The following PTPRM variants were observed in gnomAD, a reference collection of about 807,000 sequenced individuals.
PTPRM encodes the protein receptor-type tyrosine-protein phosphatase mu.
Under a neutral mutation model 186.7 loss-of-function variants are expected in PTPRM, and 47 were observed. The ratio of observed to expected loss-of-function variants is 0.25; its 90% confidence interval spans 0.20 to 0.32. The LOEUF is 0.32. Among genes scored for constraint, PTPRM ranks in the 10% least tolerant of loss-of-function variants. The probability of loss-of-function intolerance (pLI) is 1.00; values close to 1 mark genes in which losing one functional copy is unlikely to be tolerated. For missense variants in PTPRM, 1,494 were observed against 1,865.0 expected, an observed-to-expected ratio of 0.80 and a Z score of 3.66; for synonymous variants, 668 against 674.9, an observed-to-expected ratio of 0.99 and a Z score of 0.16.
intron 2 of PTPRM, among the ~76,000 whole-genome samples, chr18:7,781,043 C>T (rs938886344): frequency 2.0e-5 from 3 of 152,092 alleles, no homozygotes; most frequent in African/African-American, 4.8e-5. Flanking sequence ...GCCTCTAACC[C>T]GGCCCAGTGC....
At chr18:8,215,247 G>A (rs937986997) in intron 14 of PTPRM, among the ~76,000 whole-genome samples, 9 of 151,864 alleles carry the variant, frequency 5.9e-5, no homozygotes, top group Admixed American at 4.6e-4. Flanking sequence ...TAAACAGTCC[G>A]CCAATTGTAT....
At chr18:8,222,142 G>A (rs971580026) in intron 14 of PTPRM, among the ~76,000 whole-genome samples, 1 of 152,148 alleles carries the variant, frequency 6.6e-6, no homozygotes. Context: ...ACACTGACCT[G>A]CTAAGATAAG....
At chr18:8,344,776 G>A (rs1374283056) in intron 23 of PTPRM, among the ~76,000 whole-genome samples, 1 of 151,848 alleles carries the variant, frequency 6.6e-6, no homozygotes, top group Non-Finnish European at 1.5e-5. Context: ...CTTGGATCCC[G>A]GGTTTTAAAG....
At chr18:7,793,071 A>G (rs1408130201) in intron 2 of PTPRM, among the ~76,000 whole-genome samples, 2 of 152,204 alleles carry the variant, frequency 1.3e-5, no homozygotes, top group Non-Finnish European at 1.5e-5. Context: ...AAAGCTGGAC[A>G]TTTGGATATT....
intron 10 of PTPRM, 87 bp from the exon 11 acceptor site, chr18:8,088,662 T>C (rs892798009): frequency 9.1e-7 from 1 of 1,102,086 alleles, no homozygotes; most frequent in Non-Finnish European, 1.4e-6. Flanking sequence ...ACTGTGTTCT[T>C]AATGCTCTTT....
intron 23 of PTPRM, among the ~76,000 whole-genome samples, chr18:8,368,472 A>T (rs889420482): frequency 1.3e-5 from 2 of 152,164 alleles, no homozygotes; most frequent in Non-Finnish European, 2.9e-5. Flanking sequence ...GGGGGAAAAG[A>T]TTCCAAAGAA....
chr18:8,205,945 G>A (rs539612726), intron 14 of PTPRM, among the ~76,000 whole-genome samples: 2 of 152,260 alleles, frequency 1.3e-5, no homozygotes, highest in Admixed American at 1.3e-4. Flanking sequence ...CTGTTCTTTG[G>A]TGGCAGCGTG....
rs537396556 is a variant in PTPRM, at chr18:8,291,854, A to G, written c.2755-4514A>G. Among the ~76,000 whole-genome samples, 654 of 116,496 alleles carry G rather than the reference A, an allele frequency of 5.6e-3. 4 individuals carry two copies. Among genetic ancestry groups the G allele is most frequent in the Admixed American group, 0.011 (118 of 10,848 alleles). 76.4% of individuals were successfully genotyped at this position (116,496 alleles called of 152,430 possible). On this transcript the variant is annotated intron_variant, in intron 19 of 32. Transcript: ENST00000580170. ...GATTATGCCCATCTCATGGTCTTCC[A>G]AAAAAAAAAAAAAAGGAAGGAGGGT... is the stretch of plus-strand genomic sequence containing the variant.
chr18:7,766,459 AG>A (rs1219675786), intron 1 of PTPRM, among the ~76,000 whole-genome samples: 7 of 152,218 alleles, frequency 4.6e-5, no homozygotes, highest in Non-Finnish European at 5.9e-5. Flanking sequence ...GCTGAGATCC[AG>A]GGGAAGGCTG....
intron 19 of PTPRM, among the ~76,000 whole-genome samples, chr18:8,268,515 G>A (rs2094729716): frequency 6.6e-6 from 1 of 151,974 alleles, no homozygotes; most frequent in South Asian, 2.1e-4. Context: ...AAGAATTAAG[G>A]CTAGTATTTC....
chr18:8,365,758 C>G (rs1970604830), intron 23 of PTPRM: 1 of 152,652 alleles, frequency 6.6e-6, no homozygotes, highest in African/African-American at 2.4e-5. Context: ...TGCCCTCCTC[C>G]TTCTCCGGGA....
rs761192602 is a variant in PTPRM, at chr18:8,240,651, GAGAA to G, written c.2301-3381_2301-3378del. Among the ~76,000 whole-genome samples the G allele has an allele frequency of 2.0e-3, 67 of 33,838 alleles. 1 individual carries two copies. The highest frequency in any genetic ancestry group is 0.015 in the South Asian group (21 of 1,374). The allele number at this position is 33,838 out of a possible 152,430, so 22.2% of individuals were successfully genotyped here. On this transcript the variant is annotated intron_variant, in intron 14 of 32. Coordinates refer to ENST00000580170, the MANE Select transcript of PTPRM (RefSeq NM_001105244.2). The stretch of plus-strand genomic sequence containing the variant: ...AGAGAGAGAGAGAGAGAGAGAGAGA[GAGAA>G]AGAAAGAAAGAAAGAAAGAAAGAAA...
intron 22 of PTPRM, among the ~76,000 whole-genome samples, chr18:8,335,860 A>C (rs1161181301): frequency 2.6e-5 from 4 of 152,194 alleles, no homozygotes; most frequent in African/African-American, 9.6e-5. Flanking sequence ...CATCTCTACT[A>C]TAAACACAAA....
intron 1 of PTPRM, among the ~76,000 whole-genome samples, chr18:7,652,097 T>A (rs56351448): frequency 2.0e-5 from 3 of 152,156 alleles, no homozygotes; most frequent in African/African-American, 7.2e-5. Context: ...GCGAAGGACA[T>A]GGACACACTC....
intron 2 of PTPRM, among the ~76,000 whole-genome samples, chr18:7,810,664 G>C (rs569672040): frequency 6.6e-6 from 1 of 152,180 alleles, no homozygotes; most frequent in African/African-American, 2.4e-5. Context: ...GATTTGAATT[G>C]CACTGTCTGT....
intron 14 of PTPRM, among the ~76,000 whole-genome samples, chr18:8,206,540 G>A (rs1230718565): frequency 1.3e-5 from 2 of 152,028 alleles, no homozygotes; most frequent in South Asian, 2.1e-4. Context: ...GAACCACCGC[G>A]CCTGGCCCTG....
intron 1 of PTPRM, chr18:7,751,086 TG>T (rs1445693677): frequency 6.6e-6 from 1 of 151,976 alleles, no homozygotes; most frequent in Non-Finnish European, 1.5e-5. Context: ...TGGGAAGCAC[TG>T]ACTGGGAAGC....
chr18:7,964,717 A>G (rs1297839106), intron 7 of PTPRM, among the ~76,000 whole-genome samples: 1 of 152,214 alleles, frequency 6.6e-6, no homozygotes, highest in Non-Finnish European at 1.5e-5. Context: ...CACATATACA[A>G]GTTGCAGTTT....
chr18:8,390,089 C>T (rs149296189), intron 31 of PTPRM, among the ~76,000 whole-genome samples: 146 of 152,278 alleles, frequency 9.6e-4, no homozygotes, highest in African/African-American at 3.3e-3. Flanking sequence ...ATAGGAAAAG[C>T]GGTGTAATGG....
Sources: allele counts gnomAD v4.1 joint callset (sites outside exome capture counted in the v4.1 genomes callset), GRCh38; gene constraint gnomAD v4.1.1; transcripts MANE v1.5; gene names NCBI Gene and HGNC (gene_info 2026-07-23, HGNC 2026-07-21).